CHIC1: variants seen among roughly 807,000 people sequenced by gnomAD.
CHIC1 encodes the protein cysteine-rich hydrophobic domain-containing protein 1.
CHIC1 carries 7 observed loss-of-function variants against 18.5 expected under a neutral mutation model. The ratio of observed to expected loss-of-function variants is 0.38; its 90% CI spans 0.22 to 0.71. CHIC1 has a LOEUF of 0.71. Among genes scored for constraint, CHIC1 ranks in the 30% least tolerant of loss-of-function variants. The probability of loss-of-function intolerance (pLI) is 0.49; values close to 1 mark genes in which losing one functional copy is unlikely to be tolerated. For synonymous variants in CHIC1, 77 were observed against 73.5 expected (o/e 1.05, Z -0.25); for missense variants, 159 against 176.9 (o/e 0.90, Z 0.57).
At chrX:73,594,769 C>G (rs1277326584) in intron 3 of CHIC1, among the ~76,000 whole-genome samples, 1 of 111,575 alleles carries the variant, frequency 9.0e-6, no homozygotes, top group Admixed American at 9.5e-5. Flanking sequence ...TTCTTCCTTT[C>G]TTCATACTCT....
At chrX:73,660,908 T>G (rs2057976723) in intron 3 of CHIC1, among the ~76,000 whole-genome samples, 1 of 112,392 alleles carries the variant, frequency 8.9e-6, no homozygotes, top group Non-Finnish European at 1.9e-5. Context: ...AGTGCTTTTC[T>G]ACAGCTGATT....
intron 3 of CHIC1, among the ~76,000 whole-genome samples, chrX:73,657,369 C>G (rs1344520685): frequency 1.8e-5 from 2 of 111,587 alleles, no homozygotes; most frequent in African/African-American, 6.5e-5. Context: ...GTATTTTATA[C>G]TCTTATTGTG....
At chrX:73,625,419 G>A (rs894787922) in intron 3 of CHIC1, among the ~76,000 whole-genome samples, 2 of 111,694 alleles carry the variant, frequency 1.8e-5, no homozygotes, top group African/African-American at 3.3e-5. Flanking sequence ...ATTACTTGCT[G>A]CAAGGTGGGG....
intron 3 of CHIC1, among the ~76,000 whole-genome samples, chrX:73,622,224 G>A (rs901527500): frequency 3.6e-5 from 4 of 112,068 alleles, no homozygotes; most frequent in Non-Finnish European, 7.5e-5. Context: ...ATGAGTTAGG[G>A]AGGAGTCCCT....
At chrX:73,673,960 G>A (rs142502985) in intron 3 of CHIC1, among the ~76,000 whole-genome samples, 4 of 111,592 alleles carry the variant, frequency 3.6e-5, no homozygotes, top group Non-Finnish European at 7.5e-5. Context: ...TAGCATGAAG[G>A]GTTGTTGAAT....
chrX:73,683,964 G>T lies in CHIC1; in HGVS notation c.*2959G>T, dbSNP rs1329552293. 1 of 112,057 alleles carries T rather than the reference G, an allele frequency of 8.9e-6. No individual in the cohort carries two copies. Among genetic ancestry groups the T allele is most frequent in the East Asian group, 2.8e-4 (1 of 3,567 alleles). The allele number at this position is 112,057 out of a possible 1,213,427, so 9.2% of individuals were successfully genotyped here. A position where few individuals can be genotyped will look rare whatever the true frequency, so the allele number is the denominator to read the frequency against. On this transcript the variant is annotated 3_prime_UTR_variant, in exon 6 of 6. Transcript: ENST00000373502. ...AGACCACTGTAGTAAAACTTTAGAA[G>T]AAGATGGAGAAGTGCCTTGTCTTTT...
chrX:73,651,800 A>G (rs765314642), intron 3 of CHIC1, among the ~76,000 whole-genome samples: 9 of 111,885 alleles, frequency 8.0e-5, no homozygotes, highest in Non-Finnish European at 1.3e-4. Flanking sequence ...TATCATGAAC[A>G]TGGCCGTACT....
intron 3 of CHIC1, among the ~76,000 whole-genome samples, chrX:73,587,166 T>C (rs957316536): frequency 8.9e-6 from 1 of 112,274 alleles, no homozygotes; most frequent in African/African-American, 3.2e-5. Context: ...AGATGCTATA[T>C]TAGCCAATTA....
At chrX:73,630,067 C>T (rs1484225840) in intron 3 of CHIC1, among the ~76,000 whole-genome samples, 2 of 111,666 alleles carry the variant, frequency 1.8e-5, no homozygotes, top group African/African-American at 3.2e-5. Flanking sequence ...ATAGTTTATA[C>T]TGTATAAAAA....
chrX:73,605,253 T>C (rs2057675171), intron 3 of CHIC1, among the ~76,000 whole-genome samples: 1 of 108,732 alleles, frequency 9.2e-6, no homozygotes, highest in Non-Finnish European at 1.9e-5. Flanking sequence ...CCATTTGTAA[T>C]GCCCTTCTTT....
chrX:73,597,250 T>A (rs1044604850), intron 3 of CHIC1, among the ~76,000 whole-genome samples: 1 of 111,825 alleles, frequency 8.9e-6, no homozygotes, highest in Non-Finnish European at 1.9e-5. Context: ...TGATATTTAG[T>A]GTCTTTTCAT....
At chrX:73,671,774 TTTA>T (rs769658290) in intron 3 of CHIC1, among the ~76,000 whole-genome samples, 3 of 110,478 alleles carry the variant, frequency 2.7e-5, no homozygotes, top group East Asian at 2.8e-4. Flanking sequence ...TTTTTTTAAT[TTTA>T]TTATTATTGT....
In CHIC1 at chrX:73,642,463, G is replaced by A. The variant is rs771644246; in HGVS notation, c.508-36863G>A. On this transcript the variant is annotated intron_variant, in intron 3 of 5. Coordinates refer to ENST00000373502, the MANE Select transcript of CHIC1 (RefSeq NM_001039840.4). ...GGTTGCGAAAATTTTCTCCCATTTT[G>A]TAGGTTGCCTGTTCACTCTGATGGT... Among the ~76,000 whole-genome samples, 567 of 108,711 alleles carry A rather than the reference G, an allele frequency of 5.2e-3. 2 individuals are homozygous for A. Among genetic ancestry groups the A allele is most frequent in the Non-Finnish European group, 8.4e-3 (436 of 52,156 alleles). 94.4% of individuals were successfully genotyped at this position (108,711 alleles called of 115,157 possible). A position where few individuals can be genotyped will look rare whatever the true frequency, so the allele number is the denominator to read the frequency against.
At chrX:73,667,808 C>G (rs895287820) in intron 3 of CHIC1, among the ~76,000 whole-genome samples, 1 of 110,863 alleles carries the variant, frequency 9.0e-6, no homozygotes, top group Non-Finnish European at 1.9e-5. Flanking sequence ...TTTTTTCTCT[C>G]ATTTCAACCT....
intron 3 of CHIC1, among the ~76,000 whole-genome samples, chrX:73,590,321 A>G (rs1394448095): frequency 2.7e-5 from 3 of 110,934 alleles, no homozygotes; most frequent in African/African-American, 9.8e-5. Flanking sequence ...ATTTTTAAAA[A>G]CAATTTTAGG....
chrX:73,637,672 A>T (rs1415794271), intron 3 of CHIC1, among the ~76,000 whole-genome samples: 2 of 110,662 alleles, frequency 1.8e-5, no homozygotes, highest in African/African-American at 6.6e-5. Flanking sequence ...TATTTCAGTT[A>T]TTGTGTTTTT....
intron 1 of CHIC1, among the ~76,000 whole-genome samples, chrX:73,571,950 G>GT (rs1386664479): frequency 7.1e-4 from 76 of 106,890 alleles, no homozygotes; most frequent in Non-Finnish European, 1.1e-3. Flanking sequence ...CTGCATAGAG[G>GT]TTTTTTTTTT....
At chrX:73,675,090 G>A (rs1379323864) in intron 3 of CHIC1, among the ~76,000 whole-genome samples, 1 of 112,119 alleles carries the variant, frequency 8.9e-6, no homozygotes, top group Non-Finnish European at 1.9e-5. Flanking sequence ...TTGCACTGTG[G>A]TCTGAGAGAC....
intron 3 of CHIC1, among the ~76,000 whole-genome samples, chrX:73,656,113 G>A (rs2057947783): frequency 9.0e-6 from 1 of 111,676 alleles, no homozygotes; most frequent in Admixed American, 9.5e-5. Flanking sequence ...CTTCCTTTGA[G>A]AGGTGTCTGT....
Sources: allele counts gnomAD v4.1 joint callset (sites outside exome capture counted in the v4.1 genomes callset), GRCh38; gene constraint gnomAD v4.1.1; transcripts MANE v1.5; gene names NCBI Gene and HGNC (gene_info 2026-07-23, HGNC 2026-07-21).